Variants in RAPGEF5 observed in about 807,000 individuals in gnomAD.
The protein encoded by RAPGEF5 is Rap guanine nucleotide exchange factor 5.
A neutral mutation model predicts 125.2 loss-of-function variants in RAPGEF5; 65 were observed. The ratio of observed to expected loss-of-function variants is 0.52; its 90% confidence interval spans 0.43 to 0.64. The LOEUF (loss-of-function observed/expected upper bound fraction) is 0.64. RAPGEF5 is among the 30% of genes least tolerant of loss of function. The pLI is 0.00. For missense variants in RAPGEF5, 958 were observed against 1,048.1 expected (o/e 0.91, Z 1.19); for synonymous variants, 391 against 385.9 (o/e 1.01, Z -0.16).
At chr7:22,191,601 A>G (rs1257619622) in intron 11 of RAPGEF5, 1 of 471,050 alleles carries the variant, frequency 2.1e-6, no homozygotes, top group East Asian at 6.9e-5. Context: ...CTTTGTGAGC[A>G]CATGGCAGAA....
intron 8 of RAPGEF5, among the ~76,000 whole-genome samples, chr7:22,222,329 A>G (rs1217759747): frequency 6.6e-6 from 1 of 151,808 alleles, no homozygotes; most frequent in Admixed American, 6.6e-5. Flanking sequence ...GTAATATATG[A>G]CAGAAAAAAC....
chr7:22,131,018 A>C lies in RAPGEF5; in HGVS notation c.2481+19T>G, dbSNP rs375339054. On this transcript the variant is annotated intron_variant, in intron 24 of 25. Coordinates refer to ENST00000665637, the MANE Select transcript of RAPGEF5 (RefSeq NM_012294.5). ...TTTCTGTTACTGTAAAAAAGGGAGA[A>C]GTAATGAAATTTACGTACCAGCTTT... 4 of 1,540,240 alleles carry C rather than the reference A, an allele frequency of 2.6e-6. No homozygotes were observed. The African/African-American group carries it at 4.1e-5, about 16-fold the overall frequency.
At chr7:22,217,234 G>C (rs1408169262) in intron 9 of RAPGEF5, among the ~76,000 whole-genome samples, 2 of 152,176 alleles carry the variant, frequency 1.3e-5, no homozygotes, top group Non-Finnish European at 2.9e-5. Flanking sequence ...TTCAGGGTTT[G>C]GTCATTATTG....
rs1357489958 is a variant in RAPGEF5, at chr7:22,119,119, T to C, written c.*3287A>G. On this transcript the variant is annotated 3_prime_UTR_variant, in exon 26 of 26. Coordinates refer to ENST00000665637, the MANE Select transcript of RAPGEF5 (RefSeq NM_012294.5). This position sits in a 1 kb window ranked among gnomAD's most constrained non-coding sequence, Gnocchi z 4.1. ...CCGGATCTGCGGTGTCTGTGCTGGCTAGAACAGACTCGCAGGGCTGGGATA... is the reference window on the plus strand; with the variant it reads ...CCGGATCTGCGGTGTCTGTGCTGGCCAGAACAGACTCGCAGGGCTGGGATA... 2.0e-5 allele frequency: 3 copies of C among 152,216 alleles called. No homozygotes were observed. Among genetic ancestry groups the C allele is most frequent in the East Asian group, 1.9e-4 (1 of 5,196 alleles). The allele number at this position is 152,216 out of a possible 1,614,324, so 9.4% of individuals were successfully genotyped here. A position where few individuals can be genotyped will look rare whatever the true frequency, so the allele number is the denominator to read the frequency against.
chr7:22,245,772 G>T (rs1020849711), intron 7 of RAPGEF5, among the ~76,000 whole-genome samples: 7 of 152,082 alleles, frequency 4.6e-5, no homozygotes, highest in African/African-American at 1.7e-4. Context: ...TCAGGAAAGA[G>T]AAAGAAATAA....
intron 7 of RAPGEF5, among the ~76,000 whole-genome samples, chr7:22,250,640 T>C (rs1445798327): frequency 1.3e-5 from 2 of 151,858 alleles, no homozygotes; most frequent in Non-Finnish European, 2.9e-5. Context: ...TCAATACAAA[T>C]GACAGAAGAA....
At chr7:22,178,187 A>AT (rs1444085705) in intron 11 of RAPGEF5, among the ~76,000 whole-genome samples, 3 of 152,312 alleles carry the variant, frequency 2.0e-5, no homozygotes, top group Middle Eastern at 6.8e-3. Flanking sequence ...ACATATTTAT[A>AT]TTTTTTAAAA....
chr7:22,263,656 G>T (rs558214695), intron 7 of RAPGEF5, among the ~76,000 whole-genome samples: 1 of 151,886 alleles, frequency 6.6e-6, no homozygotes, highest in East Asian at 1.9e-4. Context: ...TTTGAACCTG[G>T]GAGGCAGAGG....
chr7:22,118,584 A>G lies in RAPGEF5; in HGVS notation c.*3822T>C, dbSNP rs974381933. 1.3e-5 allele frequency: 2 copies of G among 152,578 alleles called. No individual in the cohort carries two copies. Among genetic ancestry groups the G allele is most frequent in the Non-Finnish European group, 2.9e-5 (2 of 68,042 alleles). 9.5% of individuals were successfully genotyped at this position (152,578 alleles called of 1,614,324 possible). A position where few individuals can be genotyped will look rare whatever the true frequency, so the allele number is the denominator to read the frequency against. Reference sequence around the variant, plus strand: ...ATGTTTCATATTTACCAGTTCTTTAAATGGTGGAAAACTACCAAGTGTAGT... The same window carrying G: ...ATGTTTCATATTTACCAGTTCTTTAGATGGTGGAAAACTACCAAGTGTAGT... On this transcript the variant is annotated 3_prime_UTR_variant, in exon 26 of 26. Transcript: ENST00000665637.
intron 12 of RAPGEF5, among the ~76,000 whole-genome samples, chr7:22,166,047 T>G (rs965830005): frequency 6.8e-6 from 1 of 147,186 alleles, no homozygotes; most frequent in African/African-American, 2.5e-5. Context: ...TATATATATG[T>G]ATATTATATA....
intron 9 of RAPGEF5, among the ~76,000 whole-genome samples, chr7:22,209,914 G>A (rs1785472617): frequency 6.6e-6 from 1 of 152,128 alleles, no homozygotes; most frequent in South Asian, 2.1e-4. Flanking sequence ...AGGCTAAAAG[G>A]TATTTACTTT....
intron 11 of RAPGEF5, among the ~76,000 whole-genome samples, chr7:22,178,867 C>CTCTAG (rs1237229081): frequency 1.3e-5 from 2 of 152,172 alleles, no homozygotes; most frequent in African/African-American, 4.8e-5. Flanking sequence ...AGCTCTATCC[C>CTCTAG]TCTAGTCATG....
chr7:22,197,902 G>GGGT (rs1554327467), intron 9 of RAPGEF5, among the ~76,000 whole-genome samples: 1 of 143,326 alleles, frequency 7.0e-6, no homozygotes, highest in Non-Finnish European at 1.5e-5. Flanking sequence ...TTGGGGGGGG[G>GGGT]TGGTAGGAGG....
At chr7:22,155,675 G>A (rs373909901) in intron 16 of RAPGEF5, among the ~76,000 whole-genome samples, 8 of 152,268 alleles carry the variant, frequency 5.3e-5, no homozygotes, top group South Asian at 4.2e-4. Context: ...GGTTGGGTAC[G>A]TCACTAAAAC....
chr7:22,355,295 A>C (rs899306210), intron 1 of RAPGEF5, among the ~76,000 whole-genome samples: 2 of 152,240 alleles, frequency 1.3e-5, no homozygotes, highest in Non-Finnish European at 2.9e-5. Context: ...AAGAAACATG[A>C]GTATGAACGC....
intron 7 of RAPGEF5, among the ~76,000 whole-genome samples, chr7:22,235,212 T>C (rs548197137): frequency 3.1e-4 from 47 of 152,346 alleles, no homozygotes; most frequent in Middle Eastern, 6.8e-3. Context: ...CTTTCACCTG[T>C]GTAGCATTTT....
intron 25 of RAPGEF5, among the ~76,000 whole-genome samples, chr7:22,124,388 CT>C (rs1197289285): frequency 6.6e-6 from 1 of 152,124 alleles, no homozygotes; most frequent in Non-Finnish European, 1.5e-5. Context: ...CGCTTGTATG[CT>C]TGATGAAGAA....
chr7:22,281,275 G>A (rs761541637), intron 6 of RAPGEF5, among the ~76,000 whole-genome samples: 1 of 152,150 alleles, frequency 6.6e-6, no homozygotes, highest in Non-Finnish European at 1.5e-5. Context: ...GCAGTGGTAC[G>A]AGCTCAGCTC....
intron 6 of RAPGEF5, among the ~76,000 whole-genome samples, chr7:22,277,438 C>T (rs139439794): frequency 4.7e-4 from 71 of 152,214 alleles, no homozygotes; most frequent in African/African-American, 1.7e-3. Flanking sequence ...GCTTAATATC[C>T]GCTTATTATT....
Sources: gnomAD v4.1 joint callset for allele counts (sites outside exome capture counted in the v4.1 genomes callset) on GRCh38, gnomAD v4.1.1 for gene constraint, Gnocchi (gnomAD v3.1) non-coding constraint, MANE v1.5 for transcripts, NCBI Gene and HGNC (gene_info 2026-07-23, HGNC 2026-07-21) for gene names.